The following PXYLP1 variants were observed in gnomAD, a reference collection of about 807,000 sequenced individuals.
The protein encoded by PXYLP1 is 2-phosphoxylose phosphatase 1.
In PXYLP1, 17 loss-of-function variants were observed where a neutral mutation model predicts 37.9. The ratio of observed to expected loss-of-function variants is 0.45; its 90% CI spans 0.31 to 0.67. The LOEUF (loss-of-function observed/expected upper bound fraction) is 0.67, where lower values mean the gene tolerates loss of function less well. PXYLP1 is among the 30% of genes least tolerant of loss of function. The probability of loss-of-function intolerance (pLI) is 0.07; values close to 1 mark genes in which losing one functional copy is unlikely to be tolerated. For missense variants in PXYLP1, 511 were observed against 612.0 expected, an observed-to-expected ratio of 0.84 and a Z score of 1.74; for synonymous variants, 221 against 232.2, an observed-to-expected ratio of 0.95 and a Z score of 0.44.
At chr3:141,272,543 T>C (rs1210071325) in intron 2 of PXYLP1, 1 of 152,296 alleles carries the variant, frequency 6.6e-6, no homozygotes, top group Non-Finnish European at 1.5e-5. Flanking sequence ...TCCTGGGCTC[T>C]CTAGAGGGAC....
chr3:141,252,834 AC>A (rs35682900), intron 1 of PXYLP1, among the ~76,000 whole-genome samples: 1 of 152,010 alleles, frequency 6.6e-6, no homozygotes, highest in African/African-American at 2.4e-5. Context: ...TCAGGAGGAG[AC>A]CCCCAGGTGA....
At chr3:141,248,497 GTA>G (rs72060928) in intron 1 of PXYLP1, among the ~76,000 whole-genome samples, 7,858 of 117,248 alleles carry the variant, frequency 0.067, 480 homozygotes, top group East Asian at 0.22. Context: ...GTGCGTGTGT[GTA>G]TATATATATA....
At chr3:141,251,244 G>T (rs1295129626) in intron 1 of PXYLP1, among the ~76,000 whole-genome samples, 1 of 152,244 alleles carries the variant, frequency 6.6e-6, no homozygotes, top group Non-Finnish European at 1.5e-5. Context: ...GGGTGGCCTT[G>T]CCCCTTGGGG....
rs765378299 is a variant in PXYLP1, at chr3:141,260,133, C to T, written c.-43C>T. ...CTGCTTTATTCACAGGACATGTTCC[C>T]GATTTGAGGTGAAACCATGAAGAGA... On this transcript the variant is annotated 5_prime_UTR_variant, in exon 2 of 6. Transcript: ENST00000286353. 13 of 1,609,052 alleles carry T rather than the reference C, an allele frequency of 8.1e-6. No individual in the cohort carries two copies. The highest frequency in any genetic ancestry group is 2.2e-5 in the South Asian group (2 of 90,866).
intron 1 of PXYLP1, among the ~76,000 whole-genome samples, chr3:141,249,176 C>T (rs1287235131): frequency 1.3e-5 from 2 of 152,198 alleles, no homozygotes; most frequent in Non-Finnish European, 2.9e-5. Context: ...TGATAACAAG[C>T]TACAGGGCTC....
At chr3:141,284,084 C>T (rs1325001852) in intron 4 of PXYLP1, among the ~76,000 whole-genome samples, 1 of 152,044 alleles carries the variant, frequency 6.6e-6, no homozygotes, top group Non-Finnish European at 1.5e-5. Flanking sequence ...AGTCAGGGTA[C>T]ACCTATTTTG....
intron 1 of PXYLP1, among the ~76,000 whole-genome samples, chr3:141,252,525 C>T (rs1941164207): frequency 6.6e-6 from 1 of 152,138 alleles, no homozygotes; most frequent in Non-Finnish European, 1.5e-5. Context: ...ATAACCAGCT[C>T]TCACGTCAAC....
intron 1 of PXYLP1, among the ~76,000 whole-genome samples, chr3:141,233,044 G>GTGAAGCTGGCAGTGCGTA (rs1441519880): frequency 3.3e-5 from 5 of 152,222 alleles, no homozygotes; most frequent in Non-Finnish European, 5.9e-5. Context: ...GCCCGTGGGT[G>GTGAAGCTGGCAGTGCGTA]TGAAGCTGGC....
chr3:141,248,588 C>CACACACGTGTATATAT (rs1941029510), intron 1 of PXYLP1, among the ~76,000 whole-genome samples: 1 of 50,922 alleles, frequency 2.0e-5, no homozygotes, highest in Non-Finnish European at 3.3e-5. Context: ...TGTATATATA[C>CACACACGTGTATATAT]ACACACGTGT....
At chr3:141,252,279 A>C (rs1403078543) in intron 1 of PXYLP1, among the ~76,000 whole-genome samples, 1 of 152,014 alleles carries the variant, frequency 6.6e-6, no homozygotes, top group Non-Finnish European at 1.5e-5. Flanking sequence ...TGATCAGCAC[A>C]CCCCCTGTGT....
chr3:141,277,692 C>T (rs1305667113), intron 2 of PXYLP1, among the ~76,000 whole-genome samples: 1 of 152,196 alleles, frequency 6.6e-6, no homozygotes, highest in African/African-American at 2.4e-5. Flanking sequence ...GGTGAAGGGT[C>T]AGCTCACTAA....
chr3:141,241,065 T>A (rs1240774705), intron 1 of PXYLP1, among the ~76,000 whole-genome samples: 1 of 152,104 alleles, frequency 6.6e-6, no homozygotes, highest in Non-Finnish European at 1.5e-5. Flanking sequence ...TCTCTTCCTC[T>A]CCAGCCCCCA....
intron 2 of PXYLP1, chr3:141,273,827 C>A: frequency 3.0e-6 from 3 of 985,254 alleles, no homozygotes; most frequent in South Asian, 9.4e-5. Flanking sequence ...AAATTGCATG[C>A]CCGTTGGTAC....
intron 1 of PXYLP1, among the ~76,000 whole-genome samples, chr3:141,243,547 C>G (rs937340870): frequency 6.6e-6 from 1 of 152,354 alleles, no homozygotes; most frequent in South Asian, 2.1e-4. Flanking sequence ...CAGGCACGCC[C>G]ACTGACATCC....
At position 141,268,190 on chromosome 3, in the gene PXYLP1, AGAGAGAGAGAGAGAGAGTGTGT is replaced by A. The variant is rs1559888952; in HGVS notation, c.79+7938_79+7959del. Among the ~76,000 whole-genome samples the A allele has an allele frequency of 9.1e-5, 9 of 99,420 alleles. No homozygotes were observed. In the South Asian group the frequency reaches 1.9e-3, roughly 21 times the overall value. 65.2% of individuals were successfully genotyped at this position (99,420 alleles called of 152,430 possible). A position where few individuals can be genotyped will look rare whatever the true frequency, so the allele number is the denominator to read the frequency against. ...GGGGGAGAGAGAGAGAGAGAGAGAG[AGAGAGAGAGAGAGAGAGTGTGT>A]GTGTGTGTGTGTGTGTGTGTGTGTG... On this transcript the variant is annotated intron_variant, in intron 2 of 5. Coordinates refer to ENST00000286353, the MANE Select transcript of PXYLP1 (RefSeq NM_001037172.3).
At chr3:141,267,694 A>G (rs558151499) in intron 2 of PXYLP1, 2 of 152,072 alleles carry the variant, frequency 1.3e-5, no homozygotes, top group Non-Finnish European at 1.5e-5. Context: ...TCTTAAGCTC[A>G]TGTTGTAGAT....
At chr3:141,274,082 C>T in intron 2 of PXYLP1, 1 of 989,796 alleles carries the variant, frequency 1.0e-6, no homozygotes, top group African/African-American at 1.7e-5. Context: ...AATTGTTCCA[C>T]AGGACAGCTA....
At chr3:141,243,962 AGTTT>A (rs1940878000) in intron 1 of PXYLP1, among the ~76,000 whole-genome samples, 1 of 152,230 alleles carries the variant, frequency 6.6e-6, no homozygotes, top group Non-Finnish European at 1.5e-5. Context: ...AAGTAATACA[AGTTT>A]GTTTAAGAAA....
chr3:141,280,746 A>G (rs977991269), intron 4 of PXYLP1, among the ~76,000 whole-genome samples: 1 of 152,184 alleles, frequency 6.6e-6, no homozygotes, highest in East Asian at 1.9e-4. Context: ...CCCAGGTGCT[A>G]CTTCAGCTTT....
Sources: gnomAD v4.1 joint callset for allele counts (sites outside exome capture counted in the v4.1 genomes callset) on GRCh38, gnomAD v4.1.1 for gene constraint, MANE v1.5 for transcripts, NCBI Gene and HGNC (gene_info 2026-07-23, HGNC 2026-07-21) for gene names.